The following EVC2 variants were observed in gnomAD, a reference collection of about 807,000 sequenced individuals.
EVC2 encodes limbin.
A neutral mutation model predicts 149.3 loss-of-function variants in EVC2; 148 were observed. The ratio of observed to expected loss-of-function variants is 0.99; its 90% confidence interval spans 0.87 to 1.14. The LOEUF (loss-of-function observed/expected upper bound fraction) is 1.14, where lower values mean the gene tolerates loss of function less well. EVC2 is among the 50% of genes most tolerant of loss of function. The pLI, the probability that EVC2 is intolerant of heterozygous loss-of-function variation, is 0.00. For synonymous variants in EVC2, 776 were observed against 649.9 expected (o/e 1.19, Z -2.95); for missense variants, 1,854 against 1,627.3 (o/e 1.14, Z -2.40).
chr4:5,554,667 G>C (rs963954867), intron 21 of EVC2, among the ~76,000 whole-genome samples: 1 of 152,182 alleles, frequency 6.6e-6, no homozygotes, highest in African/African-American at 2.4e-5. Context: ...GAAGTGAGGA[G>C]AAGCTAAGAA....
chr4:5,585,434 CTA>C (rs1712189224), intron 16 of EVC2, among the ~76,000 whole-genome samples: 1 of 152,332 alleles, frequency 6.6e-6, no homozygotes, highest in Admixed American at 6.5e-5. Context: ...TCTCACTTCT[CTA>C]TGTTTGTTTT....
At chr4:5,583,299 G>A (rs551026278) in intron 17 of EVC2, among the ~76,000 whole-genome samples, 9 of 152,188 alleles carry the variant, frequency 5.9e-5, no homozygotes, top group African/African-American at 2.2e-4. Context: ...ATGCAAGATT[G>A]AAGTATAATT....
chr4:5,662,507 A>T (rs1264820824), intron 9 of EVC2, among the ~76,000 whole-genome samples: 1 of 143,026 alleles, frequency 7.0e-6, no homozygotes, highest in African/African-American at 2.5e-5. Context: ...TAAATATATT[A>T]AATATAATAT....
At position 5,696,999 on chromosome 4, in the gene EVC2, T is replaced by C. The variant is rs1274829508; in HGVS notation, c.283+594A>G. ...TGTCCTTATAAGAGGGAGACAGAGA[T>C]TTGACAGACAGAAGAGAAGAAGGCC... On this transcript the variant is annotated intron_variant, in intron 2 of 21. Transcript: ENST00000344408. This position sits in a 1 kb window ranked among gnomAD's most constrained non-coding sequence, Gnocchi z 4.1. Among the ~76,000 whole-genome samples, 1 of 152,080 alleles carries C rather than the reference T, an allele frequency of 6.6e-6. No homozygotes were observed. The highest frequency in any genetic ancestry group is 6.5e-5 in the Admixed American group (1 of 15,282).
At position 5,681,278 on chromosome 4, in the gene EVC2, T is replaced by C. The variant is rs1444259253; in HGVS notation, c.852A>G (p.Thr284=). ...CTCTTACCGTTACGTTTTCTTCTGC[T>C]GTTATGGAAAAAAGCACTTTCAGCT... The part of the protein sequence containing the change: ...RTQLKVLFSI[T]AEENVTVLPH... Residue 284 remains threonine, a synonymous_variant, in exon 7 of 22, where the codon ACA becomes ACG. Transcript: ENST00000344408. 6.2e-7 allele frequency: 1 copy of C among 1,614,194 alleles called. No individual in the cohort carries two copies. Among genetic ancestry groups the C allele is most frequent in the Middle Eastern group, 1.6e-4 (1 of 6,062 alleles).
the EVC2 span, among the ~76,000 whole-genome samples, chr4:5,530,013 G>A: frequency 0.022 from 3,308 of 152,002 alleles, 128 homozygotes; most frequent in African/African-American, 0.075. Flanking sequence ...ACGGGATTTC[G>A]CCATGTTGGC....
rs550811234 is a variant in EVC2 at position 5,569,201 on chromosome 4, T to A, written c.3361-561A>T. 3.0e-3 allele frequency among the ~76,000 whole-genome samples: 458 copies of A among 152,238 alleles called. 1 individual carries two copies. Among genetic ancestry groups the A allele is most frequent in the African/African-American group, 0.01 (422 of 41,550 alleles). ...TGTAACCACCTGGGCGTGATGAGACTTGGAACTGGAGAGCGGCAGTGGATG... is the reference window on the plus strand; with the variant it reads ...TGTAACCACCTGGGCGTGATGAGACATGGAACTGGAGAGCGGCAGTGGATG... On this transcript the variant is annotated intron_variant, in intron 19 of 21. Transcript: ENST00000344408. This position sits in a 1 kb window ranked among gnomAD's most constrained non-coding sequence, Gnocchi z 4.8.
Position 5,622,653 on chromosome 4 carries a change from C to T in EVC2, c.2385G>A (p.Glu795=), listed in dbSNP as rs1292016925. The change falls in exon 14 of 22, where the codon GAG becomes GAA. Residue 795 remains glutamate (E), a synonymous_variant. Coordinates refer to ENST00000344408, the MANE Select transcript of EVC2 (RefSeq NM_147127.5). The surrounding 1 kb of genome is among the most constrained non-coding windows in gnomAD (Gnocchi z 5.8). ...AARAEQLEGE[E]RDRDQEGVQS... is the part of the protein sequence containing the mutation. ...GGACACCCTCCTGGTCCCTGTCCCT[C>T]TCCTCCCCCTCCAGCTGCTCGGCCC... 2 of 1,614,002 alleles carry T rather than the reference C, an allele frequency of 1.2e-6. No individual in the cohort carries two copies. Among genetic ancestry groups the T allele is most frequent in the African/African-American group, 2.7e-5 (2 of 74,938 alleles).
At chr4:5,566,912 G>A (rs545019112) in intron 20 of EVC2, among the ~76,000 whole-genome samples, 2 of 152,230 alleles carry the variant, frequency 1.3e-5, no homozygotes, top group East Asian at 3.9e-4. Flanking sequence ...GTCCGTGCAC[G>A]CAGGCAGGCA....
chr4:5,584,911 G>A (rs1712144931), intron 16 of EVC2, 61 bp from the exon 17 acceptor site: 1 of 1,564,820 alleles, frequency 6.4e-7, no homozygotes, highest in South Asian at 1.1e-5. Context: ...GGGTGGAGGA[G>A]AACAAACAGC....
Position 5,618,606 on chromosome 4 carries a change from C to T in EVC2, c.2578G>A (p.Ala860Thr). The change falls in exon 15 of 22, where the codon GCT becomes ACT. Residue 860 changes from alanine (A) to threonine (T), a missense_variant. Physicochemically the swap from Ala to Thr is moderately conservative, Grantham distance 58. Coordinates refer to ENST00000344408, the MANE Select transcript of EVC2 (RefSeq NM_147127.5). The surrounding 1 kb of genome is among the most constrained non-coding windows in gnomAD (Gnocchi z 4.4). ...RMRQEVHGCFAQMDRSLALPK... is the reference protein window; with the variant it reads ...RMRQEVHGCFTQMDRSLALPK... ...AGGGCCAAGCTCCTGTCCATCTGAG[C>T]AAAGCAGCCATGGACCTCCTGCCTC... is the stretch of plus-strand genomic sequence containing the variant. 3 of 1,613,704 alleles carry T rather than the reference C, an allele frequency of 1.9e-6. No homozygotes were observed. Among genetic ancestry groups the T allele is most frequent in the Non-Finnish European group, 2.5e-6 (3 of 1,179,876 alleles).
chr4:5,589,000 AATTG>A (rs1319374475), intron 16 of EVC2, among the ~76,000 whole-genome samples: 3 of 152,186 alleles, frequency 2.0e-5, no homozygotes, highest in Non-Finnish European at 2.9e-5. Context: ...GATTGGTTTC[AATTG>A]ATTGATTTTT....
intron 12 of EVC2, 136 bp downstream of exon 12, chr4:5,628,423 T>G: frequency 8.6e-7 from 1 of 1,167,386 alleles, no homozygotes; most frequent in East Asian, 2.6e-5. Flanking sequence ...CACTCGATCT[T>G]GAACTTCCCA....
chr4:5,655,289 G>C (rs1013070805), intron 9 of EVC2, among the ~76,000 whole-genome samples: 1 of 152,186 alleles, frequency 6.6e-6, no homozygotes, highest in African/African-American at 2.4e-5. Context: ...GCTGACCTTT[G>C]CTCCTGCCAG....
rs556677678 is a variant in EVC2 at position 5,612,466 on chromosome 4, C to T, written c.2829+2956G>A. ...GAGATGGGTCTGCTGGTTCAGGATC[C>T]GTAAGGGATTGGAGCTGGGCTTTAG... On this transcript the variant is annotated intron_variant, in intron 16 of 21. Transcript: ENST00000344408. Among the ~76,000 whole-genome samples, 126 of 152,192 alleles carry T rather than the reference C, an allele frequency of 8.3e-4. 3 individuals carry two copies. In the South Asian group the frequency reaches 0.026, roughly 31 times the overall value.
intron 9 of EVC2, among the ~76,000 whole-genome samples, chr4:5,661,440 C>T (rs1346014044): frequency 1.3e-5 from 2 of 151,988 alleles, no homozygotes; most frequent in Non-Finnish European, 2.9e-5. Flanking sequence ...AGCACATAAT[C>T]AAAAATACAC....
chr4:5,661,014 T>C (rs896001939), intron 9 of EVC2, among the ~76,000 whole-genome samples: 1 of 152,214 alleles, frequency 6.6e-6, no homozygotes, highest in South Asian at 2.1e-4. Context: ...CATTTCTAAA[T>C]GTGACATAAA....
intron 17 of EVC2, among the ~76,000 whole-genome samples, chr4:5,583,893 T>C (rs1712034359): frequency 6.6e-6 from 1 of 151,206 alleles, no homozygotes; most frequent in Non-Finnish European, 1.5e-5. Context: ...TCTTGCTCTG[T>C]CTCACCCAGG....
In EVC2 at chr4:5,633,193, C is replaced by A. The variant is rs762544266; in HGVS notation, c.1471-1161G>T. 6.6e-6 allele frequency among the ~76,000 whole-genome samples: 1 copy of A among 152,172 alleles called. No individual in the cohort carries two copies. Among genetic ancestry groups the A allele is most frequent in the African/African-American group, 2.4e-5 (1 of 41,436 alleles). ...AGGGAAACTTCTAGGAGCTGAGGGCCTCAGTCTTGTACCCACAAAGAAGTG... is the reference window on the plus strand; with the variant it reads ...AGGGAAACTTCTAGGAGCTGAGGGCATCAGTCTTGTACCCACAAAGAAGTG... On this transcript the variant is annotated intron_variant, in intron 10 of 21. Coordinates refer to ENST00000344408, the MANE Select transcript of EVC2 (RefSeq NM_147127.5). This position sits in a 1 kb window ranked among gnomAD's most constrained non-coding sequence, Gnocchi z 4.4.
Sources: allele counts gnomAD v4.1 joint callset (sites outside exome capture counted in the v4.1 genomes callset), GRCh38; gene constraint gnomAD v4.1.1; non-coding constraint Gnocchi (gnomAD v3.1); transcripts MANE v1.5; gene names NCBI Gene and HGNC (gene_info 2026-07-23, HGNC 2026-07-21).